The following STX12 variants were observed in gnomAD, a reference collection of about 807,000 sequenced individuals.
The protein encoded by STX12 is syntaxin 12, also known as syntaxin-12.
Under a neutral mutation model 42.2 loss-of-function variants are expected in STX12, and 17 were observed. The ratio of observed to expected loss-of-function variants is 0.40; its 90% CI spans 0.28 to 0.60. STX12 has a LOEUF of 0.60. STX12 is among the 20% of genes least tolerant of loss of function. STX12 has a pLI of 0.39. For synonymous variants in STX12, 108 were observed against 116.7 expected, an observed-to-expected ratio of 0.93 and a Z score of 0.48; for missense variants, 297 against 330.9, an observed-to-expected ratio of 0.90 and a Z score of 0.79.
At chr1:27,812,486 G>T (rs988995222) in intron 6 of STX12, among the ~76,000 whole-genome samples, 1 of 151,366 alleles carries the variant, frequency 6.6e-6, no homozygotes, top group Admixed American at 6.6e-5. Flanking sequence ...TTGTTGCCCA[G>T]GCTGGAGTGC....
Position 27,822,249 on chromosome 1 carries a change from A to T in STX12, c.751A>T (p.Met251Leu), listed in dbSNP as rs774394916. The stretch of plus-strand genomic sequence containing the variant: ...TCCTCAGAAAAAATCTCGCAAGAAG[A>T]TGTGTATCCTGGTGCTTGTCCTGTC... Reference protein sequence around the residue: ...AYYQKKSRKKMCILVLVLSVI... With the variant: ...AYYQKKSRKKLCILVLVLSVI... Residue 251 changes from methionine (M) to leucine (L), a missense_variant, in exon 9 of 9, where the codon ATG (methionine) becomes TTG (leucine). Transcript: ENST00000373943. 4.3e-6 allele frequency: 7 copies of T among 1,612,112 alleles called. No homozygotes were observed. Among genetic ancestry groups the T allele is most frequent in the African/African-American group, 1.3e-5 (1 of 75,016 alleles).
chr1:27,790,792 A>G (rs1208767062), intron 2 of STX12, among the ~76,000 whole-genome samples: 4 of 151,718 alleles, frequency 2.6e-5, no homozygotes, highest in African/African-American at 9.7e-5. Context: ...TAATACAAAA[A>G]TCAGCTGGAT....
intron 8 of STX12, among the ~76,000 whole-genome samples, chr1:27,821,791 T>C (rs1191877331): frequency 6.6e-6 from 1 of 152,036 alleles, no homozygotes; most frequent in Non-Finnish European, 1.5e-5. Flanking sequence ...CCGAGGCAGG[T>C]AGATCACTTG....
At chr1:27,799,423 A>G (rs557393174) in intron 3 of STX12, among the ~76,000 whole-genome samples, 4 of 151,274 alleles carry the variant, frequency 2.6e-5, no homozygotes, top group African/African-American at 9.8e-5. Flanking sequence ...TTCTTGCTCA[A>G]AAATCTTCAT....
At chr1:27,776,250 ATTATC>A (rs906795714) in intron 1 of STX12, among the ~76,000 whole-genome samples, 6 of 152,188 alleles carry the variant, frequency 3.9e-5, no homozygotes, top group African/African-American at 1.2e-4. Context: ...CTTTACATAC[ATTATC>A]TTATTTTATA....
chr1:27,817,367 A>G (rs2088951140), intron 6 of STX12, among the ~76,000 whole-genome samples: 1 of 152,238 alleles, frequency 6.6e-6, no homozygotes. Context: ...GCAACTCCTC[A>G]CACAGTTCCA....
At chr1:27,810,163 A>T (rs898121728) in intron 4 of STX12, 83 bp from the exon 5 acceptor site, 3 of 1,291,428 alleles carry the variant, frequency 2.3e-6, no homozygotes, top group Non-Finnish European at 3.3e-6. Context: ...TTGCTTCTTT[A>T]TACTGTGCTA....
intron 8 of STX12, 108 bp from the exon 9 acceptor site, chr1:27,822,123 G>A: frequency 1.4e-6 from 1 of 732,472 alleles, no homozygotes; most frequent in Non-Finnish European, 2.4e-6. Flanking sequence ...CATGGATAGA[G>A]TTAATCTTTA....
At chr1:27,795,875 A>G (rs920299252) in intron 3 of STX12, among the ~76,000 whole-genome samples, 2 of 152,146 alleles carry the variant, frequency 1.3e-5, no homozygotes, top group Non-Finnish European at 1.5e-5. Flanking sequence ...ACTGCTGCCA[A>G]GTTACCCATT....
rs548310782 is a variant in STX12 at position 27,818,875 on chromosome 1, G to A, written c.650-775G>A. On this transcript the variant is annotated intron_variant, in intron 7 of 8. Transcript: ENST00000373943. ...ACTCTCGACCTCAGGTGATCTGCCC[G>A]CCTTGGCCTCCCAGGTGGTGGGATT... is the stretch of plus-strand genomic sequence containing the variant. 1.2e-4 allele frequency among the ~76,000 whole-genome samples: 18 copies of A among 152,214 alleles called. No individual in the cohort carries two copies. In the South Asian group the frequency reaches 3.1e-3, roughly 26 times the overall value.
At chr1:27,791,923 G>A (rs956826600) in intron 2 of STX12, among the ~76,000 whole-genome samples, 5 of 150,504 alleles carry the variant, frequency 3.3e-5, no homozygotes, top group African/African-American at 1.2e-4. Flanking sequence ...GGCGAAGGTT[G>A]GAGTGAGCCA....
intron 1 of STX12, among the ~76,000 whole-genome samples, chr1:27,783,220 A>G (rs528607826): frequency 1.3e-5 from 2 of 152,360 alleles, no homozygotes; most frequent in South Asian, 4.1e-4. Flanking sequence ...GTTAGCTGTA[A>G]TGTATAACAA....
intron 3 of STX12, among the ~76,000 whole-genome samples, chr1:27,794,844 C>T (rs1183078776): frequency 6.6e-6 from 1 of 151,926 alleles, no homozygotes; most frequent in African/African-American, 2.4e-5. Context: ...AACTCAGCCT[C>T]CTGAGTAGCT....
intron 1 of STX12, among the ~76,000 whole-genome samples, chr1:27,781,991 C>T (rs1287190196): frequency 6.6e-6 from 1 of 152,122 alleles, no homozygotes; most frequent in Non-Finnish European, 1.5e-5. Flanking sequence ...TTCTCTTATT[C>T]TCATTTTTAA....
intron 4 of STX12, among the ~76,000 whole-genome samples, chr1:27,806,315 C>T (rs2088862457): frequency 6.6e-6 from 1 of 152,030 alleles, no homozygotes; most frequent in Admixed American, 6.6e-5. Context: ...TATATGTATA[C>T]GTTTATGAAA....
intron 1 of STX12, 91 bp downstream of exon 1, chr1:27,773,516 G>C: frequency 8.2e-7 from 1 of 1,217,318 alleles, no homozygotes; most frequent in Non-Finnish European, 1.2e-6. Flanking sequence ...CTGGGGCTAC[G>C]GCCGAGGCCA....
At chr1:27,781,471 A>G (rs2088667839) in intron 1 of STX12, among the ~76,000 whole-genome samples, 1 of 152,150 alleles carries the variant, frequency 6.6e-6, no homozygotes, top group African/African-American at 2.4e-5. Context: ...AGCTGTGTAA[A>G]CACATTGCTT....
chr1:27,784,314 G>C (rs1317185709), intron 1 of STX12, among the ~76,000 whole-genome samples: 1 of 152,120 alleles, frequency 6.6e-6, no homozygotes, highest in African/African-American at 2.4e-5. Context: ...TCAAACTTCT[G>C]GGCTTGAGCG....
At chr1:27,784,318 T>C (rs1220528884) in intron 1 of STX12, among the ~76,000 whole-genome samples, 1 of 152,214 alleles carries the variant, frequency 6.6e-6, no homozygotes, top group African/African-American at 2.4e-5. Context: ...ACTTCTGGGC[T>C]TGAGCGATCC....
Sources: allele counts gnomAD v4.1 joint callset (sites outside exome capture counted in the v4.1 genomes callset), GRCh38; gene constraint gnomAD v4.1.1; transcripts MANE v1.5; gene names NCBI Gene and HGNC (gene_info 2026-07-23, HGNC 2026-07-21).